The following NPSR1 variants were observed in gnomAD, a reference collection of about 807,000 sequenced individuals.
NPSR1 encodes the protein neuropeptide S receptor.
In NPSR1, 48 loss-of-function variants were observed where a neutral mutation model predicts 46.9. The ratio of observed to expected loss-of-function variants is 1.02; its 90% confidence interval spans 0.81 to 1.30. The LOEUF is 1.30. Among genes scored for constraint, NPSR1 ranks in the 50% most tolerant of loss-of-function variants. The probability of loss-of-function intolerance (pLI) is 0.00; values close to 1 mark genes in which losing one functional copy is unlikely to be tolerated. For missense variants in NPSR1, 450 were observed against 449.5 expected, an observed-to-expected ratio of 1.00 and a Z score of -0.01; for synonymous variants, 176 against 168.1, an observed-to-expected ratio of 1.05 and a Z score of -0.36.
downstream of NPSR1, among the ~76,000 whole-genome samples, chr7:34,852,206 A>G (rs1006137996): frequency 7.2e-5 from 11 of 152,254 alleles, no homozygotes; most frequent in African/African-American, 2.6e-4. Context: ...AGGCTGAGGC[A>G]AGAGAATGGC....
At chr7:34,804,895 G>A (rs1202383200) in intron 3 of NPSR1, among the ~76,000 whole-genome samples, 1 of 151,776 alleles carries the variant, frequency 6.6e-6, no homozygotes, top group Non-Finnish European at 1.5e-5. Context: ...TTTTTTTCCA[G>A]CAATTACCAA....
intron 2 of NPSR1, among the ~76,000 whole-genome samples, chr7:34,757,864 G>A (rs559901398): frequency 6.6e-6 from 1 of 152,186 alleles, no homozygotes; most frequent in Admixed American, 6.5e-5. Context: ...CCCAGTATGG[G>A]GTACAACAGC....
At chr7:34,782,409 C>A (rs1584007799) in intron 3 of NPSR1, among the ~76,000 whole-genome samples, 1 of 152,172 alleles carries the variant, frequency 6.6e-6, no homozygotes, top group Non-Finnish European at 1.5e-5. Context: ...TAGCAGCCAT[C>A]ACCACTGAAG....
intron 2 of NPSR1, chr7:34,728,909 AT>A (rs1784289067): frequency 6.6e-6 from 1 of 152,606 alleles, no homozygotes; most frequent in Admixed American, 6.5e-5. Context: ...TACCTTTTAT[AT>A]TTCTATTAAA....
At chr7:34,775,732 T>A (rs1372415301) in intron 2 of NPSR1, among the ~76,000 whole-genome samples, 1 of 152,154 alleles carries the variant, frequency 6.6e-6, no homozygotes, top group Non-Finnish European at 1.5e-5. Context: ...ATTTCATTTA[T>A]TTCTGCTCTG....
chr7:34,804,614 C>T (rs1788597977), intron 3 of NPSR1, among the ~76,000 whole-genome samples: 1 of 151,960 alleles, frequency 6.6e-6, no homozygotes, highest in Non-Finnish European at 1.5e-5. Flanking sequence ...AGACTGGGAA[C>T]AAGGTAAAGA....
At chr7:34,864,218 G>T (rs1375336891) in intron 8 of NPSR1, among the ~76,000 whole-genome samples, 6 of 151,636 alleles carry the variant, frequency 4.0e-5, no homozygotes, top group Non-Finnish European at 7.3e-5. Flanking sequence ...ACTGGAGCCT[G>T]TTGTGGGGTG....
rs560460827 is a variant in NPSR1, at chr7:34,728,713, C to A, written c.280+44029C>A. On this transcript the variant is annotated intron_variant, in intron 2 of 8. Transcript: ENST00000360581. ...TGGGAATAACCCCTCTGATGGGCTT[C>A]AGACCCATGATAGCTATACGTACTT... The A allele has an allele frequency of 8.6e-4, 131 of 152,656 alleles. 1 individual carries two copies. Among genetic ancestry groups the A allele is most frequent in the Non-Finnish European group, 5.9e-5 (4 of 68,056 alleles). 9.5% of individuals were successfully genotyped at this position (152,656 alleles called of 1,614,324 possible).
chr7:34,698,787 A>C (rs1793669477), intron 2 of NPSR1, among the ~76,000 whole-genome samples: 1 of 152,194 alleles, frequency 6.6e-6, no homozygotes, highest in East Asian at 1.9e-4. Flanking sequence ...ACAAGGTTTA[A>C]AATCCCTTCT....
At chr7:34,855,864 A>G (rs1180153261) in intron 8 of NPSR1, among the ~76,000 whole-genome samples, 1 of 152,226 alleles carries the variant, frequency 6.6e-6, no homozygotes, top group African/African-American at 2.4e-5. Context: ...TTACTATTAG[A>G]AAATCACTCA....
At chr7:34,832,811 C>T (rs144288915) in intron 5 of NPSR1, among the ~76,000 whole-genome samples, 1 of 152,274 alleles carries the variant, frequency 6.6e-6, no homozygotes, top group East Asian at 1.9e-4. Flanking sequence ...TTGACATAAC[C>T]ATTAACTTTC....
chr7:34,733,235 C>T (rs1784511077), intron 2 of NPSR1, among the ~76,000 whole-genome samples: 1 of 152,054 alleles, frequency 6.6e-6, no homozygotes, highest in South Asian at 2.1e-4. Flanking sequence ...GCCTGGCCAA[C>T]ATGGTGAAAC....
chr7:34,688,303 G>A (rs10256489), intron 2 of NPSR1, among the ~76,000 whole-genome samples: 12 of 152,146 alleles, frequency 7.9e-5, no homozygotes, highest in African/African-American at 2.9e-4. Flanking sequence ...TAACCAGGAA[G>A]GCAACAATAC....
intron 5 of NPSR1, among the ~76,000 whole-genome samples, chr7:34,832,222 AT>A (rs1790153753): frequency 1.3e-5 from 2 of 152,196 alleles, no homozygotes; most frequent in Admixed American, 6.5e-5. Context: ...AATCTGATTG[AT>A]CAGATAAAGG....
intron 2 of NPSR1, among the ~76,000 whole-genome samples, chr7:34,745,162 C>T (rs1241546617): frequency 6.6e-6 from 1 of 152,162 alleles, no homozygotes; most frequent in Non-Finnish European, 1.5e-5. Context: ...CATTCCTAGT[C>T]ACTACCATAG....
chr7:34,747,243 C>G (rs1283090242), intron 2 of NPSR1, among the ~76,000 whole-genome samples: 2 of 151,966 alleles, frequency 1.3e-5, no homozygotes, highest in African/African-American at 4.8e-5. Context: ...ACATCACAAG[C>G]AAGGGCATCT....
At chr7:34,661,748 G>A (rs779172136) in intron 1 of NPSR1, among the ~76,000 whole-genome samples, 4 of 152,190 alleles carry the variant, frequency 2.6e-5, no homozygotes, top group Non-Finnish European at 5.9e-5. Context: ...TTGGGTTCAA[G>A]ATTCTCAGCT....
intron 2 of NPSR1, among the ~76,000 whole-genome samples, chr7:34,692,199 G>A (rs1208239772): frequency 6.6e-6 from 1 of 151,910 alleles, no homozygotes; most frequent in African/African-American, 2.4e-5. Flanking sequence ...TAGACCAAAT[G>A]GACCTAATAG....
intron 3 of NPSR1, among the ~76,000 whole-genome samples, chr7:34,794,513 A>C (rs1292830963): frequency 1.3e-5 from 2 of 152,180 alleles, no homozygotes; most frequent in South Asian, 4.1e-4. Flanking sequence ...CAATCTAAAT[A>C]CTGTTAATTG....
Sources: gnomAD v4.1 joint callset for allele counts (sites outside exome capture counted in the v4.1 genomes callset) on GRCh38, gnomAD v4.1.1 for gene constraint, MANE v1.5 for transcripts, NCBI Gene and HGNC (gene_info 2026-07-23, HGNC 2026-07-21) for gene names.